ABR: variants seen among roughly 807,000 people sequenced by gnomAD.
ABR encodes the protein active breakpoint cluster region-related protein.
In ABR, 35 loss-of-function variants were observed where a neutral mutation model predicts 107.2. The observed-to-expected ratio is 0.33, with a 90% CI of 0.25 to 0.43. The LOEUF (loss-of-function observed/expected upper bound fraction) is 0.43, where lower values mean the gene tolerates loss of function less well. Ranked by LOEUF, ABR falls within the 20% of genes least tolerant of loss-of-function variation. The pLI is 1.00. For synonymous variants in ABR, 498 were observed against 462.0 expected (o/e 1.08, Z -1.00); for missense variants, 815 against 1,115.2 (o/e 0.73, Z 3.83).
At position 1,161,324 on chromosome 17, in the gene ABR, C is replaced by T. The variant is rs527886807; in HGVS notation, c.61+18343G>A. 3.9e-5 allele frequency among the ~76,000 whole-genome samples: 6 copies of T among 152,002 alleles called. No individual in the cohort carries two copies. The South Asian group carries it at 1.2e-3, about 32-fold the overall frequency. ...GAATGTGATCACAGCTCACTGTAAG[C>T]TCAAACTCCTGGGCTCACATGATCC... On this transcript the variant is annotated intron_variant, in intron 1 of 22. Transcript: ENST00000302538.
chr17:1,026,543 T>A (rs1011796213), intron 16 of ABR, among the ~76,000 whole-genome samples: 1 of 152,114 alleles, frequency 6.6e-6, no homozygotes. Flanking sequence ...TGGGGCCTCC[T>A]GGCCTCTCTA....
In ABR at chr17:1,010,541, CCA is replaced by C; in HGVS notation, c.2236+186_2236+187del. 1.4e-6 allele frequency: 1 copy of C among 706,392 alleles called. No homozygotes were observed. The highest frequency in any genetic ancestry group is 2.3e-6 in the Non-Finnish European group (1 of 436,358). 43.8% of individuals were successfully genotyped at this position (706,392 alleles called of 1,614,324 possible). The stretch of plus-strand genomic sequence containing the variant: ...GGGCAAGAGGCAGGCGAGAAAGGGC[CCA>C]GTGTCTGCACCAGGTCCCAGCAGGC... On this transcript the variant is annotated intron_variant, in intron 20 of 22. Transcript: ENST00000302538. The surrounding 1 kb of genome is among the most constrained non-coding windows in gnomAD (Gnocchi z 4.1).
At chr17:1,072,903 G>A (rs1203738142) in intron 7 of ABR, 149 bp from the exon 8 acceptor site, 52 of 1,136,722 alleles carry the variant, frequency 4.6e-5, no homozygotes, top group South Asian at 3.0e-4. Context: ...GAGTCAGGCC[G>A]GGCACGGCGG....
At chr17:1,152,880 G>C (rs1567832325) in intron 1 of ABR, among the ~76,000 whole-genome samples, 1 of 152,096 alleles carries the variant, frequency 6.6e-6, no homozygotes, top group Non-Finnish European at 1.5e-5. Flanking sequence ...GATCACATGA[G>C]GTCAGGAGTT....
intron 7 of ABR, 92 bp downstream of exon 7, chr17:1,073,533 T>C (rs2035424976): frequency 4.8e-6 from 5 of 1,046,664 alleles, no homozygotes; most frequent in Non-Finnish European, 6.5e-6. Context: ...CCAGGTGGAC[T>C]GTTCTCGGTG....
intron 10 of ABR, among the ~76,000 whole-genome samples, chr17:1,065,496 A>T (rs1410366834): frequency 7.5e-6 from 1 of 133,722 alleles, no homozygotes; most frequent in Non-Finnish European, 1.6e-5. Context: ...TGTTATGTGA[A>T]CTGAGGGCTA....
At chr17:1,076,251 T>C (rs1010051126) in intron 6 of ABR, among the ~76,000 whole-genome samples, 1 of 152,170 alleles carries the variant, frequency 6.6e-6, no homozygotes, top group Non-Finnish European at 1.5e-5. Context: ...CCCTTTCTTA[T>C]CTAGCAGTTT....
At chr17:1,006,333 C>T (rs1374374701) in intron 22 of ABR, among the ~76,000 whole-genome samples, 164 bp from the exon 23 acceptor site, 9 of 152,212 alleles carry the variant, frequency 5.9e-5, no homozygotes, top group African/African-American at 1.7e-4. Flanking sequence ...GAAGGTGCTA[C>T]GGGGCAGAGG....
intron 16 of ABR, among the ~76,000 whole-genome samples, chr17:1,049,336 T>C (rs568348735): frequency 6.6e-6 from 1 of 152,070 alleles, no homozygotes; most frequent in East Asian, 1.9e-4. Flanking sequence ...ACCTGCTAAT[T>C]TTTGTATTTT....
At chr17:1,160,599 G>A (rs115420214) in intron 1 of ABR, among the ~76,000 whole-genome samples, 148 of 152,336 alleles carry the variant, frequency 9.7e-4, no homozygotes, top group Middle Eastern at 6.8e-3. Context: ...CCAGGGGTAC[G>A]ACGGAGCAGC....
At chr17:1,043,722 C>T (rs1007680187) in intron 16 of ABR, among the ~76,000 whole-genome samples, 1 of 152,178 alleles carries the variant, frequency 6.6e-6, no homozygotes, top group African/African-American at 2.4e-5. Flanking sequence ...GCTCACACTC[C>T]CTTCCTGGCC....
intron 3 of ABR, among the ~76,000 whole-genome samples, chr17:1,094,688 A>G (rs1193448241): frequency 6.6e-6 from 1 of 152,170 alleles, no homozygotes; most frequent in Non-Finnish European, 1.5e-5. Flanking sequence ...TTTATAATCC[A>G]GTTGGGCAAA....
At chr17:1,057,190 G>T in intron 12 of ABR, 88 bp from the exon 13 acceptor site, 3 of 866,586 alleles carry the variant, frequency 3.5e-6, no homozygotes, top group Non-Finnish European at 5.7e-6. Context: ...CAGGAAGACG[G>T]CTTAATCCCT....
chr17:1,164,531 T>C (rs536806011), intron 1 of ABR, among the ~76,000 whole-genome samples: 4 of 151,690 alleles, frequency 2.6e-5, no homozygotes, highest in Non-Finnish European at 5.9e-5. Flanking sequence ...AGACTCCCAG[T>C]GAACATGAAC....
Position 1,157,601 on chromosome 17 carries a change from G to C in ABR, c.61+22066C>G, listed in dbSNP as rs2041098676. On this transcript the variant is annotated intron_variant, in intron 1 of 22. Transcript: ENST00000302538. The surrounding 1 kb of genome is among the most constrained non-coding windows in gnomAD (Gnocchi z 4.7). ...TAGGGGGCTGGTCCCTCAGGCCACA[G>C]GCCATGAGAAGCAGCAACTACAAGG... Among the ~76,000 whole-genome samples, 2 of 152,210 alleles carry C rather than the reference G, an allele frequency of 1.3e-5. No homozygotes were observed. Among genetic ancestry groups the C allele is most frequent in the South Asian group, 4.1e-4 (2 of 4,832 alleles).
At chr17:1,128,099 C>T (rs1005330580) in intron 1 of ABR, among the ~76,000 whole-genome samples, 2 of 152,164 alleles carry the variant, frequency 1.3e-5, no homozygotes, top group African/African-American at 2.4e-5. Flanking sequence ...TGCTGGTGGG[C>T]GGAGGCCCAG....
At chr17:1,086,967 A>G (rs1172505606) in intron 4 of ABR, among the ~76,000 whole-genome samples, 1 of 151,908 alleles carries the variant, frequency 6.6e-6, no homozygotes, top group Non-Finnish European at 1.5e-5. Context: ...CCAACCCAAA[A>G]TAGATACAGA....
At chr17:1,016,562 T>C (rs1248355576) in intron 16 of ABR, among the ~76,000 whole-genome samples, 1 of 151,942 alleles carries the variant, frequency 6.6e-6, no homozygotes, top group Non-Finnish European at 1.5e-5. Flanking sequence ...GCGATCCACC[T>C]GCCTCGGCCT....
At chr17:1,016,457 C>CA (rs2071169233) in intron 16 of ABR, among the ~76,000 whole-genome samples, 1 of 151,892 alleles carries the variant, frequency 6.6e-6, no homozygotes, top group Admixed American at 6.6e-5. Flanking sequence ...GCTGGGATTA[C>CA]AGGTGCCTGC....
Sources: allele counts gnomAD v4.1 joint callset (sites outside exome capture counted in the v4.1 genomes callset), GRCh38; gene constraint gnomAD v4.1.1; non-coding constraint Gnocchi (gnomAD v3.1); transcripts MANE v1.5; gene names NCBI Gene and HGNC (gene_info 2026-07-23, HGNC 2026-07-21).